Variants in LIPI observed in about 807,000 individuals in gnomAD.
The protein encoded by LIPI is lipase I.
Under a neutral mutation model 50.6 loss-of-function variants are expected in LIPI, and 59 were observed. That is an observed-to-expected ratio of 1.16 (90% confidence interval 0.94 to 1.45). The LOEUF is 1.45. Among genes scored for constraint, LIPI ranks in the 40% most tolerant of loss-of-function variants. LIPI has a pLI of 0.00. For missense variants in LIPI, 586 were observed against 536.3 expected (o/e 1.09, Z -0.92); for synonymous variants, 203 against 178.2 (o/e 1.14, Z -1.11).
intron 9 of LIPI, 29 bp downstream of exon 9, chr21:14,144,594 A>T (rs1568847657): frequency 4.1e-6 from 5 of 1,221,476 alleles, no homozygotes; most frequent in Non-Finnish European, 6.0e-6. Context: ...AAAAGATAAC[A>T]TGTTGAAATC....
chr21:14,163,697 A>T (rs1039116917), intron 6 of LIPI, among the ~76,000 whole-genome samples, 174 bp from the exon 7 acceptor site: 2 of 139,012 alleles, frequency 1.4e-5, no homozygotes, highest in Admixed American at 1.5e-4. Context: ...TATTTTAATT[A>T]CAATAACAAC....
At chr21:14,210,375 C>T (rs539499291) in intron 1 of LIPI, among the ~76,000 whole-genome samples, 43 of 151,942 alleles carry the variant, frequency 2.8e-4, no homozygotes, top group Non-Finnish European at 5.4e-4. Context: ...GTTTGTTTTG[C>T]AATCGATAAT....
At chr21:14,175,244 T>A (rs1429247557) in intron 4 of LIPI, among the ~76,000 whole-genome samples, 1 of 152,218 alleles carries the variant, frequency 6.6e-6, no homozygotes, top group East Asian at 1.9e-4. Flanking sequence ...TTTTAATAAA[T>A]AATGCTGAAT....
chr21:14,111,541 G>A (rs931732021), intron 9 of LIPI, among the ~76,000 whole-genome samples: 8 of 151,952 alleles, frequency 5.3e-5, no homozygotes, highest in Non-Finnish European at 1.0e-4. Context: ...TCTGTAGATT[G>A]TCTCTTACCT....
intron 5 of LIPI, 36 bp from the exon 6 acceptor site, chr21:14,165,426 G>A: frequency 6.8e-7 from 1 of 1,472,020 alleles, no homozygotes; most frequent in African/African-American, 1.4e-5. Flanking sequence ...AACTGTAGAT[G>A]TATTAAGCCA....
Position 14,181,806 on chromosome 21 carries a change from C to A in LIPI, c.595G>T (p.Asp199Tyr). The A allele has an allele frequency of 6.2e-7, 1 of 1,612,690 alleles. No homozygotes were observed. Among genetic ancestry groups the A allele is most frequent in the South Asian group, 1.1e-5 (1 of 91,016 alleles). The change falls in exon 4 of 10, where the codon GAT (aspartate) becomes TAT (tyrosine). Residue 199 changes from aspartate to tyrosine, a missense_variant. Transcript: ENST00000681601. ...TCCACAAACTTTGCATCCGTGTAAT[C>A]TAATCTGCTATATGGTGGTTTTCTG... is the stretch of plus-strand genomic sequence containing the variant. ...FSRKPPYSRLDYTDAKFVDVI... is the reference protein window; with the variant it reads ...FSRKPPYSRLYYTDAKFVDVI...
intron 3 of LIPI, among the ~76,000 whole-genome samples, chr21:14,184,456 C>A (rs2019385018): frequency 6.6e-6 from 1 of 151,602 alleles, no homozygotes; most frequent in African/African-American, 2.4e-5. Flanking sequence ...TGCACATGTA[C>A]CCTAAAACTT....
intron 4 of LIPI, among the ~76,000 whole-genome samples, chr21:14,174,454 T>C (rs1198125438): frequency 6.6e-6 from 1 of 152,102 alleles, no homozygotes; most frequent in Non-Finnish European, 1.5e-5. Flanking sequence ...ACCTGGGAGC[T>C]CCCAGTGTGC....
chr21:14,164,158 C>A (rs561500007), intron 6 of LIPI, among the ~76,000 whole-genome samples: 10 of 151,788 alleles, frequency 6.6e-5, no homozygotes, highest in Non-Finnish European at 2.9e-5. Flanking sequence ...TCATGTATTT[C>A]TTTGTTCCCA....
At chr21:14,118,532 A>G (rs971634077) in intron 9 of LIPI, among the ~76,000 whole-genome samples, 2 of 152,166 alleles carry the variant, frequency 1.3e-5, no homozygotes, top group African/African-American at 4.8e-5. Flanking sequence ...GATCTCCTTT[A>G]CACCAAGTGG....
chr21:14,136,019 C>G (rs114760253), intron 9 of LIPI, among the ~76,000 whole-genome samples: 4,143 of 152,244 alleles, frequency 0.027, 177 homozygotes, highest in African/African-American at 0.091. Context: ...CCCCGTCTCC[C>G]CTGTTCCAGG....
chr21:14,187,663 G>A (rs2019501498), intron 2 of LIPI, among the ~76,000 whole-genome samples: 1 of 152,028 alleles, frequency 6.6e-6, no homozygotes, highest in South Asian at 2.1e-4. Context: ...TAGTCTGTTG[G>A]TGGAGATGGT....
At chr21:14,166,237 T>C (rs2018678065) in intron 5 of LIPI, 125 bp downstream of exon 5, 1 of 717,156 alleles carries the variant, frequency 1.4e-6, no homozygotes, top group African/African-American at 1.7e-5. Flanking sequence ...CCAATGACTC[T>C]CCTGAGTCAT....
intron 9 of LIPI, among the ~76,000 whole-genome samples, chr21:14,135,619 T>C (rs974170981): frequency 6.6e-6 from 1 of 152,272 alleles, no homozygotes; most frequent in African/African-American, 2.4e-5. Context: ...AACCAGGCCT[T>C]GCCACAGGGG....
rs113400488 is a variant in LIPI, at chr21:14,185,837, C to A, written c.541+124G>T. 5.8e-3 allele frequency: 3,589 copies of A among 617,220 alleles called. 84 individuals are homozygous for A. The highest frequency in any genetic ancestry group is 0.057 in the African/African-American group (3,068 of 53,928). The allele number at this position is 617,220 out of a possible 1,614,324, so 38.2% of individuals were successfully genotyped here. ...AGCAGAGGTTGCAGTGAGCCGAGAT[C>A]GCACCACTGCACTGCAGCCTGGGCA... On this transcript the variant is annotated intron_variant, in intron 3 of 9. Coordinates refer to ENST00000681601, the MANE Select transcript of LIPI (RefSeq NM_001302998.2).
chr21:14,165,109 G>C (rs1352718097), intron 6 of LIPI, 114 bp downstream of exon 6: 2 of 746,920 alleles, frequency 2.7e-6, no homozygotes, highest in Non-Finnish European at 4.6e-6. Flanking sequence ...TCCATAAAAT[G>C]GTCATGTATT....
At chr21:14,145,014 C>T (rs1481314081) in intron 8 of LIPI, among the ~76,000 whole-genome samples, 1 of 152,052 alleles carries the variant, frequency 6.6e-6, no homozygotes, top group Non-Finnish European at 1.5e-5. Context: ...TGCATTCCCT[C>T]ATAGAACTAT....
chr21:14,116,980 C>A (rs1481315464), intron 9 of LIPI, among the ~76,000 whole-genome samples: 1 of 152,146 alleles, frequency 6.6e-6, no homozygotes, highest in East Asian at 1.9e-4. Context: ...ACTCCAGCAG[C>A]TGCCTCCAGA....
At chr21:14,126,841 T>A (rs1176768369) in intron 9 of LIPI, among the ~76,000 whole-genome samples, 2 of 152,192 alleles carry the variant, frequency 1.3e-5, no homozygotes, top group African/African-American at 4.8e-5. Context: ...GGCACAGTGG[T>A]TGCCAGCAGG....
Sources: allele counts gnomAD v4.1 joint callset (sites outside exome capture counted in the v4.1 genomes callset), GRCh38; gene constraint gnomAD v4.1.1; transcripts MANE v1.5; gene names NCBI Gene and HGNC (gene_info 2026-07-23, HGNC 2026-07-21).